IMMP2L: variants seen among roughly 807,000 people sequenced by gnomAD.
The protein encoded by IMMP2L is mitochondrial inner membrane protease subunit 2.
IMMP2L carries 18 observed loss-of-function variants against 19.3 expected under a neutral mutation model. The observed-to-expected ratio is 0.93, with a 90% CI of 0.64 to 1.38. IMMP2L has a LOEUF of 1.38. Ranked by LOEUF, IMMP2L falls within the 40% of genes most tolerant of loss-of-function variation. The probability of loss-of-function intolerance (pLI) is 0.00; values close to 1 mark genes in which losing one functional copy is unlikely to be tolerated. For missense variants in IMMP2L, 233 were observed against 218.2 expected (o/e 1.07, Z -0.43); for synonymous variants, 76 against 73.0 (o/e 1.04, Z -0.21).
intron 3 of IMMP2L, among the ~76,000 whole-genome samples, chr7:111,231,723 A>C (rs942137376): frequency 1.3e-5 from 2 of 152,056 alleles, no homozygotes; most frequent in East Asian, 3.9e-4. Context: ...ATAAATGATG[A>C]CTGAGTACTG....
chr7:111,211,454 C>A (rs1327065704), intron 3 of IMMP2L, among the ~76,000 whole-genome samples: 1 of 152,134 alleles, frequency 6.6e-6, no homozygotes, highest in Non-Finnish European at 1.5e-5. Context: ...AGGAAATAGG[C>A]TGGAATCCGA....
intron 3 of IMMP2L, among the ~76,000 whole-genome samples, chr7:111,370,057 TA>T: frequency 6.6e-6 from 1 of 152,130 alleles, no homozygotes; most frequent in South Asian, 2.1e-4. Flanking sequence ...TAAAATTTTA[TA>T]AAAAATATCA....
At chr7:111,325,764 A>G (rs1028274327) in intron 3 of IMMP2L, among the ~76,000 whole-genome samples, 6 of 151,856 alleles carry the variant, frequency 4.0e-5, no homozygotes, top group African/African-American at 1.4e-4. Flanking sequence ...CCACGAGTAT[A>G]TAACTTCTAT....
intron 3 of IMMP2L, among the ~76,000 whole-genome samples, chr7:111,013,206 C>T (rs578158521): frequency 6.6e-6 from 1 of 152,104 alleles, no homozygotes; most frequent in African/African-American, 2.4e-5. Flanking sequence ...TTATAAGCCA[C>T]GATAATAACT....
At chr7:111,307,810 T>C (rs955877110) in intron 3 of IMMP2L, among the ~76,000 whole-genome samples, 1 of 151,840 alleles carries the variant, frequency 6.6e-6, no homozygotes, top group Non-Finnish European at 1.5e-5. Flanking sequence ...TTTATTGATA[T>C]ACTAGCTCAT....
chr7:111,470,302 T>G (rs1407926329), intron 3 of IMMP2L, among the ~76,000 whole-genome samples: 1 of 151,868 alleles, frequency 6.6e-6, no homozygotes, highest in African/African-American at 2.4e-5. Flanking sequence ...TCAACCCTTG[T>G]GGAAGTCACT....
intron 4 of IMMP2L, among the ~76,000 whole-genome samples, chr7:110,934,777 T>C (rs887410489): frequency 3.3e-5 from 5 of 152,198 alleles, no homozygotes; most frequent in African/African-American, 1.2e-4. Context: ...TTTTTGATAT[T>C]TGTTGGCTTA....
intron 5 of IMMP2L, among the ~76,000 whole-genome samples, chr7:110,793,897 A>T (rs1800656556): frequency 1.3e-5 from 2 of 152,298 alleles, no homozygotes; most frequent in South Asian, 4.1e-4. Context: ...GATGGCAAAT[A>T]AGCACATGAA....
chr7:111,359,527 C>A (rs1259132587), intron 3 of IMMP2L, among the ~76,000 whole-genome samples: 1 of 151,940 alleles, frequency 6.6e-6, no homozygotes, highest in Non-Finnish European at 1.5e-5. Flanking sequence ...GTCTGGAACT[C>A]CTGACCCCAA....
intron 5 of IMMP2L, among the ~76,000 whole-genome samples, chr7:110,873,040 C>T (rs538817771): frequency 1.3e-5 from 2 of 152,290 alleles, no homozygotes; most frequent in African/African-American, 2.4e-5. Context: ...GGAGCCCCCA[C>T]CACAAAAATA....
At chr7:111,240,296 G>C (rs1325236698) in intron 3 of IMMP2L, among the ~76,000 whole-genome samples, 2 of 151,904 alleles carry the variant, frequency 1.3e-5, no homozygotes, top group African/African-American at 2.4e-5. Flanking sequence ...CTTCTAAAAA[G>C]AGTAATTTAA....
rs1301708745 is a variant in IMMP2L at position 111,539,191 on chromosome 7, GGAGGGA to G, written c.-2-17748_-2-17743del. On this transcript the variant is annotated intron_variant, in intron 1 of 5. Coordinates refer to ENST00000405709, the MANE Select transcript of IMMP2L (RefSeq NM_032549.4). ...AGGAAGGAAGGAAGGAAGGAAGGAA[GGAGGGA>G]GAAAGAAAGAAAGAAAGAAAGAAAG... 4.4e-5 allele frequency among the ~76,000 whole-genome samples: 2 copies of G among 45,666 alleles called. 1 individual carries two copies. Among genetic ancestry groups the G allele is most frequent in the African/African-American group, 2.3e-4 (2 of 8,740 alleles). The allele number at this position is 45,666 out of a possible 152,430, so 30.0% of individuals were successfully genotyped here.
chr7:111,547,545 TTTTAA>T (rs1849048576), intron 1 of IMMP2L, among the ~76,000 whole-genome samples: 1 of 147,928 alleles, frequency 6.8e-6, no homozygotes, highest in African/African-American at 2.5e-5. Flanking sequence ...GCTTGTTTTT[TTTTAA>T]TTTTTTATTT....
chr7:111,314,587 AACTGAAGTAATGCAATAACT>A (rs1823856552), intron 3 of IMMP2L, among the ~76,000 whole-genome samples: 1 of 152,268 alleles, frequency 6.6e-6, no homozygotes, highest in East Asian at 1.9e-4. Flanking sequence ...AGGATAATAA[AACTGAAGTAATGCAATAACT>A]ACTGAAGTAA....
At chr7:110,897,382 A>C (rs1484037546) in intron 4 of IMMP2L, among the ~76,000 whole-genome samples, 1 of 152,200 alleles carries the variant, frequency 6.6e-6, no homozygotes, top group African/African-American at 2.4e-5. Flanking sequence ...AAAACTGCTT[A>C]AATTCACTAG....
At chr7:110,855,596 T>C (rs1226461453) in intron 5 of IMMP2L, among the ~76,000 whole-genome samples, 2 of 152,026 alleles carry the variant, frequency 1.3e-5, no homozygotes, top group Admixed American at 6.6e-5. Context: ...AGCTAATTCC[T>C]CATTATCCTA....
Position 110,870,713 on chromosome 7 carries a change from T to C in IMMP2L, c.408+15880A>G, listed in dbSNP as rs888244453. 6.6e-6 allele frequency among the ~76,000 whole-genome samples: 1 copy of C among 152,064 alleles called. No individual in the cohort carries two copies. Among genetic ancestry groups the C allele is most frequent in the Non-Finnish European group, 1.5e-5 (1 of 68,012 alleles). The stretch of plus-strand genomic sequence containing the variant: ...TAGCTAGGACAAAAGGCCTTTCACC[T>C]GTTCAAAGAATGGAAAGATCAGAGA... On this transcript the variant is annotated intron_variant, in intron 5 of 5. Transcript: ENST00000405709. This position sits in a 1 kb window ranked among gnomAD's most constrained non-coding sequence, Gnocchi z 4.2.
intron 5 of IMMP2L, among the ~76,000 whole-genome samples, chr7:110,677,155 G>A (rs1275889692): frequency 6.6e-6 from 1 of 152,060 alleles, no homozygotes; most frequent in Non-Finnish European, 1.5e-5. Context: ...AAAGTGAGAA[G>A]AACAAAATGA....
At position 110,933,657 on chromosome 7, in the gene IMMP2L, G is replaced by C. The variant is rs1478882486; in HGVS notation, c.305+29843C>G. On this transcript the variant is annotated intron_variant, in intron 4 of 5. Transcript: ENST00000405709. ...GGCTGTATAGGCTGTTGGTTTAGGA[G>C]ATGTTTCCAATTTCCTCTCAAATCT... 2.0e-5 allele frequency among the ~76,000 whole-genome samples: 3 copies of C among 152,136 alleles called. No homozygotes were observed. The East Asian group carries it at 5.8e-4, about 29-fold the overall frequency.
Sources: gnomAD v4.1 joint callset for allele counts (sites outside exome capture counted in the v4.1 genomes callset) on GRCh38, gnomAD v4.1.1 for gene constraint, Gnocchi (gnomAD v3.1) non-coding constraint, MANE v1.5 for transcripts, NCBI Gene and HGNC (gene_info 2026-07-23, HGNC 2026-07-21) for gene names.